Variants in USP25 observed in about 807,000 individuals in gnomAD.
USP25 encodes the protein ubiquitin carboxyl-terminal hydrolase 25.
A neutral mutation model predicts 158.5 loss-of-function variants in USP25; 85 were observed. The observed-to-expected ratio is 0.54, with a 90% CI of 0.45 to 0.64. USP25 has a LOEUF of 0.64. USP25 is among the 30% of genes least tolerant of loss of function. The pLI, the probability that USP25 is intolerant of heterozygous loss-of-function variation, is 0.00. For missense variants in USP25, 1,242 were observed against 1,327.3 expected, an observed-to-expected ratio of 0.94 and a Z score of 1.00; for synonymous variants, 464 against 460.4, an observed-to-expected ratio of 1.01 and a Z score of -0.10.
chr21:15,809,274 G>A (rs968157711), intron 8 of USP25, among the ~76,000 whole-genome samples: 2 of 152,068 alleles, frequency 1.3e-5, no homozygotes, highest in Non-Finnish European at 2.9e-5. Context: ...GTTCACTCAG[G>A]GCCCCGAGGT....
chr21:15,872,481 C>T (rs150085351), intron 23 of USP25, among the ~76,000 whole-genome samples: 3 of 152,250 alleles, frequency 2.0e-5, no homozygotes, highest in Non-Finnish European at 4.4e-5. Flanking sequence ...ACAGGAAACT[C>T]AGTAGCTATA....
chr21:15,751,831 A>T (rs1364147648), intron 1 of USP25, among the ~76,000 whole-genome samples: 1 of 152,230 alleles, frequency 6.6e-6, no homozygotes, highest in African/African-American at 2.4e-5. Context: ...TATAGTGCTG[A>T]GTAACAGTAT....
At chr21:15,850,296 T>G (rs2038826760) in intron 20 of USP25, among the ~76,000 whole-genome samples, 1 of 152,024 alleles carries the variant, frequency 6.6e-6, no homozygotes. Context: ...ACTAAATTGC[T>G]TTTTCGTTTA....
intron 21 of USP25, 137 bp from the exon 22 acceptor site, chr21:15,866,129 A>G: frequency 2.5e-6 from 1 of 404,232 alleles, no homozygotes; most frequent in Non-Finnish European, 4.2e-6. Context: ...ACTTAAGGTT[A>G]TTTAGGAGTT....
At position 15,847,650 on chromosome 21, in the gene USP25, T is replaced by C. The variant is rs1251703968; in HGVS notation, c.2338-13T>C. The C allele has an allele frequency of 6.6e-7, 1 of 1,526,466 alleles. No homozygotes were observed. The highest frequency in any genetic ancestry group is 1.4e-5 in the African/African-American group (1 of 72,628). 94.6% of individuals were successfully genotyped at this position (1,526,466 alleles called of 1,614,324 possible). On this transcript the variant is annotated splice_polypyrimidine_tract_variant and intron_variant, in intron 18 of 25. Transcript: ENST00000400183. ...TCTTTTCTAATGTTTATATTAATGA[T>C]TTCCTTCTGCAGAAACCTGAAAATA... is the stretch of plus-strand genomic sequence containing the variant.
intron 22 of USP25, 72 bp from the exon 23 acceptor site, chr21:15,869,996 A>G (rs1328397398): frequency 8.8e-7 from 1 of 1,137,058 alleles, no homozygotes. Flanking sequence ...ACAGTGCATT[A>G]CTTTTTGTAC....
At chr21:15,747,207 C>A (rs1236698205) in intron 1 of USP25, among the ~76,000 whole-genome samples, 1 of 151,956 alleles carries the variant, frequency 6.6e-6, no homozygotes, top group Non-Finnish European at 1.5e-5. Flanking sequence ...TTTCTATTTA[C>A]AATAGTCCAC....
intron 18 of USP25, among the ~76,000 whole-genome samples, chr21:15,844,103 C>A (rs2038466281): frequency 6.6e-6 from 1 of 152,068 alleles, no homozygotes; most frequent in Non-Finnish European, 1.5e-5. Flanking sequence ...TTTGTCTATT[C>A]ATTTAATTGT....
chr21:15,737,476 C>CT (rs1384682680), intron 1 of USP25, among the ~76,000 whole-genome samples: 1 of 152,076 alleles, frequency 6.6e-6, no homozygotes, highest in Non-Finnish European at 1.5e-5. Context: ...CGATAATAAC[C>CT]TATATCCCTT....
chr21:15,760,316 C>A (rs1262981414), intron 1 of USP25, among the ~76,000 whole-genome samples: 1 of 152,160 alleles, frequency 6.6e-6, no homozygotes, highest in African/African-American at 2.4e-5. Flanking sequence ...AGAACTTGGA[C>A]AGGATGATGG....
intron 14 of USP25, among the ~76,000 whole-genome samples, chr21:15,828,098 T>G (rs2037616109): frequency 2.0e-5 from 3 of 152,176 alleles, no homozygotes; most frequent in African/African-American, 7.2e-5. Context: ...TTGTTGGATA[T>G]TATATGACCA....
chr21:15,732,184 G>T lies in USP25; in HGVS notation c.45+1746G>T, dbSNP rs189692464. On this transcript the variant is annotated intron_variant, in intron 1 of 25. Coordinates refer to ENST00000400183, the MANE Select transcript of USP25 (RefSeq NM_001283041.3). ...ATCCCCTCCACACACAAAGGGAGTA[G>T]TAGTTAATTCAAAATATTATCATTA... 4.6e-5 allele frequency among the ~76,000 whole-genome samples: 7 copies of T among 152,292 alleles called. No individual in the cohort carries two copies. The East Asian group carries it at 1.3e-3, about 29-fold the overall frequency.
chr21:15,811,095 C>T lies in USP25; in HGVS notation c.858-42C>T, dbSNP rs776992705. 31 of 1,540,832 alleles carry T rather than the reference C, an allele frequency of 2.0e-5. No individual in the cohort carries two copies. The South Asian group carries it at 3.5e-4, about 18-fold the overall frequency. ...TTTAATATTTTCTCTATTTATAGGT[C>T]CGAAAATTGTAATCACATTTATATT... On this transcript the variant is annotated intron_variant, in intron 8 of 25. Coordinates refer to ENST00000400183, the MANE Select transcript of USP25 (RefSeq NM_001283041.3).
At chr21:15,849,939 T>A in intron 20 of USP25, 67 bp downstream of exon 20, 2 of 1,206,462 alleles carry the variant, frequency 1.7e-6, no homozygotes, top group Non-Finnish European at 2.3e-6. Flanking sequence ...AATATTTTAT[T>A]TCTTTGAATT....
chr21:15,768,161 A>T (rs1341769719), intron 3 of USP25, among the ~76,000 whole-genome samples: 1 of 152,122 alleles, frequency 6.6e-6, no homozygotes, highest in Non-Finnish European at 1.5e-5. Flanking sequence ...ACCGATTGTC[A>T]TATTGAGTAA....
intron 1 of USP25, among the ~76,000 whole-genome samples, chr21:15,743,445 G>A (rs746860340): frequency 2.1e-4 from 32 of 152,294 alleles, no homozygotes; most frequent in Middle Eastern, 3.4e-3. Context: ...AATGAGAGGG[G>A]ACGTGAAGTG....
chr21:15,876,289 C>A (rs2040095250), intron 24 of USP25: 1 of 152,096 alleles, frequency 6.6e-6, no homozygotes, highest in Non-Finnish European at 1.5e-5. Flanking sequence ...TCATTTTATT[C>A]TCTTAACCCC....
At chr21:15,790,847 T>C (rs2035552440) in intron 4 of USP25, among the ~76,000 whole-genome samples, 1 of 151,952 alleles carries the variant, frequency 6.6e-6, no homozygotes, top group Admixed American at 6.6e-5. Context: ...AAGATATTCA[T>C]AGGTGAGTTT....
intron 4 of USP25, among the ~76,000 whole-genome samples, chr21:15,788,286 T>G (rs887985800): frequency 3.9e-5 from 6 of 151,940 alleles, no homozygotes; most frequent in African/African-American, 1.4e-4. Context: ...TATGCAGGAT[T>G]TTGCTTTATA....
Sources: allele counts gnomAD v4.1 joint callset (sites outside exome capture counted in the v4.1 genomes callset), GRCh38; gene constraint gnomAD v4.1.1; transcripts MANE v1.5; gene names NCBI Gene and HGNC (gene_info 2026-07-23, HGNC 2026-07-21).